NBEAL1: variants seen among roughly 807,000 people sequenced by gnomAD.
The protein encoded by NBEAL1 is neurobeachin-like protein 1.
Under a neutral mutation model 351.3 loss-of-function variants are expected in NBEAL1, and 273 were observed. That is an observed-to-expected ratio of 0.78 (90% CI 0.70 to 0.86). NBEAL1 has a LOEUF of 0.86. Ranked by LOEUF, NBEAL1 falls within the 40% of genes least tolerant of loss-of-function variation. NBEAL1 has a pLI of 0.00. For synonymous variants in NBEAL1, 1,050 were observed against 1,086.4 expected (o/e 0.97, Z 0.66); for missense variants, 2,961 against 3,201.3 (o/e 0.92, Z 1.81).
Position 203,136,065 on chromosome 2 carries a change from G to C in NBEAL1, c.4202G>C (p.Ser1401Thr), listed in dbSNP as rs1457530844. The C allele has an allele frequency of 1.9e-6, 3 of 1,613,964 alleles. No individual in the cohort carries two copies. Among genetic ancestry groups the C allele is most frequent in the South Asian group, 2.2e-5 (2 of 90,990 alleles). Residue 1401 changes from serine to threonine, a missense_variant, in exon 28 of 56, where the codon AGT becomes ACT. Ser to Thr is a moderately conservative substitution (Grantham distance 58, BLOSUM62 1). Transcript: ENST00000683969. ...TGGCATAGTAACCCTTCACATTTGA[G>C]TTTAGACCTCAGTGGAATTGACTCA... Reference protein sequence around the residue: ...EFWHSNPSHLSLDLSGIDSCE... With the variant: ...EFWHSNPSHLTLDLSGIDSCE...
intron 4 of NBEAL1, among the ~76,000 whole-genome samples, chr2:203,052,038 C>A (rs147601565): frequency 8.5e-4 from 129 of 152,210 alleles, no homozygotes; most frequent in African/African-American, 2.9e-3. Flanking sequence ...TAACTAAGGT[C>A]CATGTGCACA....
intron 45 of NBEAL1, 129 bp from the exon 46 acceptor site, chr2:203,190,157 TGTACAC>T (rs2065025907): frequency 7.4e-6 from 3 of 402,928 alleles, no homozygotes; most frequent in African/African-American, 6.9e-5. Flanking sequence ...AAAAGATGTG[TGTACAC>T]ACACACACAC....
chr2:203,217,632 T>A lies in NBEAL1; in HGVS notation c.*278T>A. Reference sequence around the variant, plus strand: ...GAGAACATTAGGTTCAATTTTCTTATTATTCCAAATGATAAAATTTAAGAT... The same window carrying A: ...GAGAACATTAGGTTCAATTTTCTTAATATTCCAAATGATAAAATTTAAGAT... On this transcript the variant is annotated 3_prime_UTR_variant, in exon 56 of 56. Transcript: ENST00000683969. 7.0e-6 allele frequency: 7 copies of A among 999,312 alleles called. No individual in the cohort carries two copies. The highest frequency in any genetic ancestry group is 8.5e-6 in the Non-Finnish European group (7 of 826,766). The allele number at this position is 999,312 out of a possible 1,614,324, so 61.9% of individuals were successfully genotyped here.
At chr2:203,083,120 A>G (rs1335456053) in intron 8 of NBEAL1, 99 bp from the exon 9 acceptor site, 19 of 1,045,680 alleles carry the variant, frequency 1.8e-5, no homozygotes, top group African/African-American at 3.2e-5. Context: ...TCTTTATTAA[A>G]AGAAAAGGTT....
Position 203,145,053 on chromosome 2 carries a change from G to C in NBEAL1, c.5197G>C (p.Asp1733His). ...GCAGTATGAAGCTCATACATTTTAC[G>C]ATGGTCATGAGAACATGGCACTTTA... Reference protein sequence around the residue: ...MKQYEAHTFYDGHENMALYWK... With the variant: ...MKQYEAHTFYHGHENMALYWK... Residue 1733 changes from aspartate to histidine, a missense_variant, in exon 33 of 56, where the codon GAT becomes CAT. By Grantham distance (81) the Asp-to-His change is moderately conservative. Coordinates refer to ENST00000683969, the MANE Select transcript of NBEAL1 (RefSeq NM_001378026.1). The C allele has an allele frequency of 1.9e-6, 3 of 1,610,204 alleles. No individual in the cohort carries two copies. The highest frequency in any genetic ancestry group is 1.7e-5 in the Admixed American group (1 of 59,478).
At chr2:203,051,876 C>G (rs2061329791) in intron 4 of NBEAL1, among the ~76,000 whole-genome samples, 1 of 152,114 alleles carries the variant, frequency 6.6e-6, no homozygotes, top group African/African-American at 2.4e-5. Flanking sequence ...CATTTAAAAA[C>G]TTTAATAAAC....
chr2:203,151,006 A>C (rs1409888648), intron 34 of NBEAL1, among the ~76,000 whole-genome samples: 1 of 152,204 alleles, frequency 6.6e-6, no homozygotes, highest in African/African-American at 2.4e-5. Flanking sequence ...TTTGGATTAA[A>C]TGAGATAAAA....
intron 48 of NBEAL1, among the ~76,000 whole-genome samples, 183 bp from the exon 49 acceptor site, chr2:203,199,155 T>TA (rs2065322172): frequency 1.3e-5 from 2 of 152,118 alleles, no homozygotes; most frequent in Admixed American, 1.3e-4. Context: ...AAATAAAAGA[T>TA]AAAAAAAGAG....
chr2:203,117,551 G>C (rs1005993782), intron 18 of NBEAL1, among the ~76,000 whole-genome samples: 1 of 152,174 alleles, frequency 6.6e-6, no homozygotes, highest in African/African-American at 2.4e-5. Flanking sequence ...TAATATTTTT[G>C]CTACTTCTTT....
rs1442767515 is a variant in NBEAL1 at position 203,136,142 on chromosome 2, C to T, written c.4279C>T (p.Pro1427Ser). ...SQVPDSLPST[P>S]SPVESTKSFS... Reference sequence around the variant, plus strand: ...AGTGCCAGACAGTCTGCCTAGCACACCATCCCCAGTAGAGTCTACTAAATC... The same window carrying T: ...AGTGCCAGACAGTCTGCCTAGCACATCATCCCCAGTAGAGTCTACTAAATC... Residue 1427 changes from proline to serine, a missense_variant, in exon 28 of 56, where the codon CCA (proline) becomes TCA (serine). Pro to Ser is a moderately conservative substitution (Grantham distance 74). Transcript: ENST00000683969. 6.2e-7 allele frequency: 1 copy of T among 1,614,048 alleles called. No individual in the cohort carries two copies. The highest frequency in any genetic ancestry group is 8.5e-7 in the Non-Finnish European group (1 of 1,179,942).
At position 203,174,896 on chromosome 2, in the gene NBEAL1, A is replaced by T. The variant is rs561026429; in HGVS notation, c.6324-251A>T. Among the ~76,000 whole-genome samples, 6 of 135,234 alleles carry T rather than the reference A, an allele frequency of 4.4e-5. No homozygotes were observed. In the South Asian group the frequency reaches 1.2e-3, roughly 27 times the overall value. 88.7% of individuals were successfully genotyped at this position (135,234 alleles called of 152,430 possible). On this transcript the variant is annotated intron_variant, in intron 41 of 55. Transcript: ENST00000683969. ...AAATAAATAAATAAATAAATAAATAAAAATAAAAATGAAAACTATTCCAGA... is the reference window on the plus strand; with the variant it reads ...AAATAAATAAATAAATAAATAAATATAAATAAAAATGAAAACTATTCCAGA...
chr2:203,041,673 A>G lies in NBEAL1; in HGVS notation c.52-92A>G, dbSNP rs2061143120. The G allele has an allele frequency of 3.9e-6, 3 of 771,998 alleles. No individual in the cohort carries two copies. In the South Asian group the frequency reaches 5.0e-5, roughly 13 times the overall value. 47.8% of individuals were successfully genotyped at this position (771,998 alleles called of 1,614,324 possible). On this transcript the variant is annotated intron_variant, in intron 2 of 55. Transcript: ENST00000683969. ...AAATATCACTTGGAGATTTCATAGT[A>G]TTGATTCTTTAGGTATCTGCTTAAT...
chr2:203,225,130 A>G lies in NBEAL1; in HGVS notation c.*7776A>G, dbSNP rs1032561534. Among the ~76,000 whole-genome samples, 2 of 152,204 alleles carry G rather than the reference A, an allele frequency of 1.3e-5. No individual in the cohort carries two copies. The highest frequency in any genetic ancestry group is 2.9e-5 in the Non-Finnish European group (2 of 68,024). The stretch of plus-strand genomic sequence containing the variant: ...AGAATGTCCATTTATTTTGTACATA[A>G]TAAATTAGCTTTGTATATGAAAATG... On this transcript the variant is annotated 3_prime_UTR_variant, in exon 56 of 56. Transcript: ENST00000683969.
chr2:203,078,157 A>G (rs1180677908), intron 8 of NBEAL1, among the ~76,000 whole-genome samples: 1 of 152,200 alleles, frequency 6.6e-6, no homozygotes, highest in Non-Finnish European at 1.5e-5. Context: ...GATGAAATCG[A>G]AGTCTAGTAG....
intron 2 of NBEAL1, chr2:203,040,459 G>C: frequency 5.7e-6 from 4 of 703,784 alleles, no homozygotes; most frequent in Non-Finnish European, 7.9e-6. Flanking sequence ...AATGTTTAGT[G>C]GTGTCTTTGT....
At position 203,190,950 on chromosome 2, in the gene NBEAL1, G is replaced by A. The variant is rs1575109047; in HGVS notation, c.6921+561G>A. The A allele has an allele frequency of 5.6e-6, 9 of 1,609,708 alleles. No homozygotes were observed. The East Asian group carries it at 2.0e-4, about 36-fold the overall frequency. ...CAACGGGTGACTGGAAGGGCCTGAGGATTACAGTGAAACTGACCATTCAGA... is the reference window on the plus strand; with the variant it reads ...CAACGGGTGACTGGAAGGGCCTGAGAATTACAGTGAAACTGACCATTCAGA... On this transcript the variant is annotated intron_variant, in intron 46 of 55. Transcript: ENST00000683969.
In NBEAL1 at chr2:203,122,200, A is replaced by G. The variant is rs879263154; in HGVS notation, c.2593-54A>G. The G allele has an allele frequency of 3.9e-6, 4 of 1,027,022 alleles. No individual in the cohort carries two copies. In the African/African-American group the frequency reaches 4.9e-5, roughly 13 times the overall value. 63.6% of individuals were successfully genotyped at this position (1,027,022 alleles called of 1,614,324 possible). A position where few individuals can be genotyped will look rare whatever the true frequency, so the allele number is the denominator to read the frequency against. Reference sequence around the variant, plus strand: ...ATGGTGAAATGTTCTATATGTGGTTAAATTTATGTTTTGTTCTAATTGGTT... The same window carrying G: ...ATGGTGAAATGTTCTATATGTGGTTGAATTTATGTTTTGTTCTAATTGGTT... On this transcript the variant is annotated intron_variant, in intron 18 of 55. Coordinates refer to ENST00000683969, the MANE Select transcript of NBEAL1 (RefSeq NM_001378026.1).
chr2:203,066,023 A>G (rs561205351), intron 6 of NBEAL1, among the ~76,000 whole-genome samples: 67 of 152,336 alleles, frequency 4.4e-4, no homozygotes, highest in African/African-American at 1.5e-3. Flanking sequence ...TTTGTGTTCT[A>G]ATATATGTAA....
intron 7 of NBEAL1, among the ~76,000 whole-genome samples, chr2:203,075,766 C>G (rs1036566338): frequency 2.0e-5 from 3 of 152,210 alleles, no homozygotes; most frequent in Admixed American, 6.5e-5. Flanking sequence ...AAACAGGAAT[C>G]TGTGGTGTGA....
Sources: allele counts gnomAD v4.1 joint callset (sites outside exome capture counted in the v4.1 genomes callset), GRCh38; gene constraint gnomAD v4.1.1; transcripts MANE v1.5; gene names NCBI Gene and HGNC (gene_info 2026-07-23, HGNC 2026-07-21).